Variants in ANO3 observed in about 807,000 individuals in gnomAD.
ANO3 encodes anoctamin-3.
In ANO3, 99 loss-of-function variants were observed where a neutral mutation model predicts 144.8. The observed-to-expected ratio is 0.68, with a 90% CI of 0.58 to 0.81. ANO3 has a LOEUF of 0.81. Ranked by LOEUF, ANO3 falls within the 30% of genes least tolerant of loss-of-function variation. The pLI is 0.00. For synonymous variants in ANO3, 414 were observed against 392.6 expected, an observed-to-expected ratio of 1.05 and a Z score of -0.64; for missense variants, 905 against 1,202.2, an observed-to-expected ratio of 0.75 and a Z score of 3.66.
chr11:26,460,219 A>T, intron 3 of ANO3: 1 of 341,036 alleles, frequency 2.9e-6, no homozygotes, highest in South Asian at 2.3e-5. Context: ...CTTCTGTTAT[A>T]TATTTTTTCA....
chr11:26,477,159 A>C (rs918465121), intron 4 of ANO3, among the ~76,000 whole-genome samples: 10 of 152,148 alleles, frequency 6.6e-5, no homozygotes, highest in African/African-American at 2.4e-4. Flanking sequence ...TATGAGAAAC[A>C]GTGGATATGA....
chr11:26,507,505 A>G (rs1477340289), intron 4 of ANO3, among the ~76,000 whole-genome samples: 1 of 152,250 alleles, frequency 6.6e-6, no homozygotes, highest in Middle Eastern at 3.2e-3. Flanking sequence ...AGTATTTCCC[A>G]GAGCAAACAA....
chr11:26,540,488 C>T (rs1849615902), intron 10 of ANO3, among the ~76,000 whole-genome samples: 1 of 151,938 alleles, frequency 6.6e-6, no homozygotes, highest in African/African-American at 2.4e-5. Flanking sequence ...TTCTTCACAG[C>T]AAAAGAAACT....
chr11:26,428,888 A>G (rs1029303071), intron 1 of ANO3, among the ~76,000 whole-genome samples: 1 of 151,998 alleles, frequency 6.6e-6, no homozygotes, highest in Non-Finnish European at 1.5e-5. Context: ...ATGAACGAGA[A>G]CTCTAAAGAA....
chr11:26,599,714 TGTAA>T lies in ANO3; in HGVS notation c.1836+3_1836+6del, dbSNP rs777031717. ...TCATAATCATTATGTTGCTGAATCT[TGTAA>T]GTGTCTATAATGTTATTCTTCAGTA... On this transcript the variant is annotated splice_donor_variant and splice_donor_region_variant and intron_variant, in intron 17 of 26. Coordinates refer to ENST00000256737, the MANE Select transcript of ANO3 (RefSeq NM_031418.4). LOFTEE classifies it high-confidence loss of function. The T allele has an allele frequency of 6.2e-7, 1 of 1,613,396 alleles. No individual in the cohort carries two copies. The highest frequency in any genetic ancestry group is 1.1e-5 in the South Asian group (1 of 90,992).
intron 18 of ANO3, among the ~76,000 whole-genome samples, chr11:26,632,589 TATATA>T (rs1852822208): frequency 6.8e-6 from 1 of 147,786 alleles, no homozygotes; most frequent in Admixed American, 6.8e-5. Flanking sequence ...GTTTTATATA[TATATA>T]ATATATGTCT....
chr11:26,617,178 G>T (rs925473595), intron 17 of ANO3, among the ~76,000 whole-genome samples: 1 of 152,146 alleles, frequency 6.6e-6, no homozygotes, highest in Non-Finnish European at 1.5e-5. Flanking sequence ...GCTTCTTAAA[G>T]TCCAATCTCT....
chr11:26,406,358 G>C (rs1565006332), intron 1 of ANO3, among the ~76,000 whole-genome samples: 1 of 151,672 alleles, frequency 6.6e-6, no homozygotes. Flanking sequence ...CCTTAATACT[G>C]GTGCCTTGGA....
intron 3 of ANO3, among the ~76,000 whole-genome samples, chr11:26,446,757 A>G (rs2134029977): frequency 6.6e-6 from 1 of 152,328 alleles, no homozygotes; most frequent in Middle Eastern, 3.4e-3. Context: ...CTTGAAGTAA[A>G]TAAAAAGGTA....
intron 1 of ANO3, among the ~76,000 whole-genome samples, chr11:26,231,530 G>A (rs1460697547): frequency 6.6e-6 from 1 of 152,146 alleles, no homozygotes; most frequent in Non-Finnish European, 1.5e-5. Flanking sequence ...TCATCAATTA[G>A]CAGTATTAAT....
chr11:26,643,462 A>G lies in ANO3; in HGVS notation c.2428+128A>G, dbSNP rs965678436. 9.1e-5 allele frequency: 111 copies of G among 1,220,082 alleles called. 1 individual carries two copies. Among genetic ancestry groups the G allele is most frequent in the Non-Finnish European group, 1.1e-4 (99 of 889,590 alleles). The allele number at this position is 1,220,082 out of a possible 1,614,324, so 75.6% of individuals were successfully genotyped here. On this transcript the variant is annotated intron_variant, in intron 23 of 26. Transcript: ENST00000256737. ...TCATAGTATTAAGAGGCCTTTAAGA[A>G]GTGATTAAGCTGGCCGGGCGTGGTG...
chr11:26,548,647 A>C (rs1315466764), intron 12 of ANO3, among the ~76,000 whole-genome samples: 1 of 152,020 alleles, frequency 6.6e-6, no homozygotes, highest in African/African-American at 2.4e-5. Context: ...CCTAGAATTA[A>C]ATCCTATTCA....
At chr11:26,353,858 G>A (rs912644145) in intron 1 of ANO3, among the ~76,000 whole-genome samples, 9 of 152,162 alleles carry the variant, frequency 5.9e-5, no homozygotes, top group African/African-American at 2.2e-4. Context: ...ATGAGCCACC[G>A]CGCCGGGCCT....
At chr11:26,308,774 A>T (rs987196013), upstream of ANO3, among the ~76,000 whole-genome samples, 4 of 152,232 alleles carry the variant, frequency 2.6e-5, no homozygotes, top group African/African-American at 9.6e-5. Flanking sequence ...TAAAGGAATT[A>T]CTATAATTAT....
At chr11:26,509,921 A>G (rs768340107) in intron 5 of ANO3, among the ~76,000 whole-genome samples, 6 of 151,974 alleles carry the variant, frequency 3.9e-5, no homozygotes, top group Non-Finnish European at 8.8e-5. Flanking sequence ...AGGAGGCCGG[A>G]TCATGAGGTC....
intron 1 of ANO3, among the ~76,000 whole-genome samples, chr11:26,297,238 T>G (rs1203933147): frequency 1.4e-5 from 2 of 146,720 alleles, no homozygotes; most frequent in African/African-American, 5.2e-5. Context: ...CCAGTATATC[T>G]GTGTTTCTTT....
chr11:26,371,079 A>G (rs925845227), intron 1 of ANO3, among the ~76,000 whole-genome samples: 4 of 152,182 alleles, frequency 2.6e-5, no homozygotes, highest in African/African-American at 7.2e-5. Context: ...AGCCCCTCCC[A>G]TCGCAGGCCT....
intron 14 of ANO3, among the ~76,000 whole-genome samples, chr11:26,581,683 T>C (rs1314109696): frequency 1.3e-5 from 1 of 74,550 alleles, no homozygotes; most frequent in African/African-American, 5.2e-5. Context: ...AGCAAGACTC[T>C]GTCTCAAAAA....
intron 14 of ANO3, among the ~76,000 whole-genome samples, chr11:26,587,311 C>T (rs1212694339): frequency 1.3e-5 from 2 of 152,160 alleles, no homozygotes; most frequent in Non-Finnish European, 2.9e-5. Flanking sequence ...TTAGGGTCGG[C>T]CCCAGCCTTT....
Sources: allele counts gnomAD v4.1 joint callset (sites outside exome capture counted in the v4.1 genomes callset), GRCh38; gene constraint gnomAD v4.1.1; transcripts MANE v1.5; gene names NCBI Gene and HGNC (gene_info 2026-07-23, HGNC 2026-07-21).